MCC: variants seen among roughly 807,000 people sequenced by gnomAD.
MCC encodes MCC regulator of Wnt signaling pathway, also known as colorectal mutant cancer protein.
A neutral mutation model predicts 116.2 loss-of-function variants in MCC; 90 were observed. The observed-to-expected ratio is 0.77, with a 90% CI of 0.65 to 0.92. MCC has a LOEUF of 0.92. Ranked by LOEUF, MCC falls within the 40% of genes least tolerant of loss-of-function variation. The pLI, the probability that MCC is intolerant of heterozygous loss-of-function variation, is 0.00. For missense variants in MCC, 1,516 were observed against 1,312.2 expected, an observed-to-expected ratio of 1.16 and a Z score of -2.40; for synonymous variants, 578 against 510.5, an observed-to-expected ratio of 1.13 and a Z score of -1.78.
Position 113,027,445 on chromosome 5 carries a change from G to A in MCC, c.2917C>T (p.His973Tyr). ...VAAYEKAKKKHQNKLKKLESQ... is the reference protein window; with the variant it reads ...VAAYEKAKKKYQNKLKKLESQ... ...TCTAACTTCTTCAGTTTGTTTTGAT[G>A]CTTTTTCTTTGCTTTCTCATAGGCA... Residue 973 changes from histidine (H) to tyrosine (Y), a missense_variant, in exon 19 of 19, where the codon CAT (histidine) becomes TAT (tyrosine). Transcript: ENST00000408903. 1 of 1,614,164 alleles carries A rather than the reference G, an allele frequency of 6.2e-7. No homozygotes were observed. Among genetic ancestry groups the A allele is most frequent in the African/African-American group, 1.3e-5 (1 of 75,034 alleles).
rs116563795 is a variant in MCC at position 113,252,263 on chromosome 5, C to G, written c.627+88256G>C. On this transcript the variant is annotated intron_variant, in intron 3 of 18. Coordinates refer to ENST00000408903, the MANE Select transcript of MCC (RefSeq NM_001085377.2). ...AGCCCCCGGGCCCACAGATCTGGTA[C>G]GAGGCCGCAAAGCAGGAGGTGAGTG... Among the ~76,000 whole-genome samples the G allele has an allele frequency of 2.6e-5, 4 of 152,270 alleles. No individual in the cohort carries two copies. The East Asian group carries it at 5.8e-4, about 22-fold the overall frequency.
chr5:113,058,390 C>T (rs571484914), intron 14 of MCC, among the ~76,000 whole-genome samples: 2 of 152,168 alleles, frequency 1.3e-5, no homozygotes, highest in Admixed American at 6.5e-5. Context: ...TAGAAATGCA[C>T]ATTCCGGGGC....
intron 14 of MCC, among the ~76,000 whole-genome samples, chr5:113,057,130 A>G (rs1468707660): frequency 1.3e-5 from 2 of 152,200 alleles, no homozygotes; most frequent in Non-Finnish European, 2.9e-5. Context: ...ATGGTGACTG[A>G]AGCAGTCAGG....
In MCC at chr5:113,038,680, C is replaced by T. The variant is rs536711307; in HGVS notation, c.2756+4850G>A. Among the ~76,000 whole-genome samples the T allele has an allele frequency of 2.6e-5, 4 of 152,106 alleles. 1 individual carries two copies. The highest frequency in any genetic ancestry group is 4.4e-5 in the Non-Finnish European group (3 of 67,992). On this transcript the variant is annotated intron_variant, in intron 17 of 18. Transcript: ENST00000408903. Reference sequence around the variant, plus strand: ...GCGCAGAAGAGGAAGAGCAGTCTCACGGCAGGTGTGATCGATCACACTGAC... The same window carrying T: ...GCGCAGAAGAGGAAGAGCAGTCTCATGGCAGGTGTGATCGATCACACTGAC...
intron 3 of MCC, among the ~76,000 whole-genome samples, 154 bp from the exon 4 acceptor site, chr5:113,151,576 C>T (rs1334700675): frequency 6.6e-6 from 1 of 152,176 alleles, no homozygotes; most frequent in Non-Finnish European, 1.5e-5. Context: ...TTGGGGACAA[C>T]AGGCATAAGT....
intron 3 of MCC, among the ~76,000 whole-genome samples, chr5:113,338,569 C>T (rs1216454600): frequency 6.6e-6 from 1 of 152,222 alleles, no homozygotes; most frequent in Non-Finnish European, 1.5e-5. Context: ...ACCTGGAACC[C>T]TCCAGAGAAG....
intron 8 of MCC, among the ~76,000 whole-genome samples, chr5:113,087,642 C>T (rs557045142): frequency 6.6e-6 from 1 of 152,284 alleles, no homozygotes; most frequent in South Asian, 2.1e-4. Flanking sequence ...TCAGTTTTTA[C>T]TGCTGATGAG....
intron 3 of MCC, among the ~76,000 whole-genome samples, chr5:113,168,761 G>A (rs55917784): frequency 6.6e-6 from 1 of 151,778 alleles, no homozygotes; most frequent in Non-Finnish European, 1.5e-5. Context: ...GGGAAAACAG[G>A]GGCAACAGAT....
chr5:113,118,990 C>A (rs6898690), intron 6 of MCC, among the ~76,000 whole-genome samples: 11 of 152,332 alleles, frequency 7.2e-5, no homozygotes, highest in African/African-American at 2.6e-4. Flanking sequence ...TTCTTCCATG[C>A]TCCTCCCCGA....
intron 3 of MCC, among the ~76,000 whole-genome samples, chr5:113,338,568 C>T (rs1767925980): frequency 6.6e-6 from 1 of 152,206 alleles, no homozygotes; most frequent in Non-Finnish European, 1.5e-5. Context: ...AACCTGGAAC[C>T]CTCCAGAGAA....
chr5:113,485,047 C>G (rs533323547), intron 1 of MCC, among the ~76,000 whole-genome samples: 1 of 152,098 alleles, frequency 6.6e-6, no homozygotes, highest in African/African-American at 2.4e-5. Flanking sequence ...TTCTGGGTCC[C>G]TTTTATAGGC....
chr5:113,461,265 A>G (rs1465194438), intron 1 of MCC, among the ~76,000 whole-genome samples: 2 of 152,194 alleles, frequency 1.3e-5, no homozygotes, highest in Non-Finnish European at 2.9e-5. Context: ...TGACTTAAAA[A>G]AACAAACAAT....
chr5:113,232,739 T>A (rs907585170), intron 3 of MCC, among the ~76,000 whole-genome samples: 1 of 152,170 alleles, frequency 6.6e-6, no homozygotes, highest in African/African-American at 2.4e-5. Flanking sequence ...AATATTTATA[T>A]GAGGCAGAAC....
At chr5:113,376,973 C>A (rs1302505632) in intron 2 of MCC, among the ~76,000 whole-genome samples, 2 of 152,128 alleles carry the variant, frequency 1.3e-5, no homozygotes, top group African/African-American at 2.4e-5. Context: ...AGAGAAGAAT[C>A]CCTCTTTTCT....
chr5:113,142,414 T>C lies in MCC; in HGVS notation c.884+804A>G, dbSNP rs867872414. 4.6e-5 allele frequency among the ~76,000 whole-genome samples: 7 copies of C among 151,940 alleles called. No homozygotes were observed. In the Middle Eastern group the frequency reaches 0.014, roughly 295 times the overall value. ...AGTGTCATTTAAAGCAAACCTCTCCTCTGAGGAACAGGGCAGATACAACCA... is the reference window on the plus strand; with the variant it reads ...AGTGTCATTTAAAGCAAACCTCTCCCCTGAGGAACAGGGCAGATACAACCA... On this transcript the variant is annotated intron_variant, in intron 5 of 18. Coordinates refer to ENST00000408903, the MANE Select transcript of MCC (RefSeq NM_001085377.2).
At chr5:113,175,775 T>C (rs193035811) in intron 3 of MCC, among the ~76,000 whole-genome samples, 359 of 152,232 alleles carry the variant, frequency 2.4e-3, no homozygotes, top group African/African-American at 8.1e-3. Flanking sequence ...GGAAGAGATA[T>C]AGTCATCCCC....
intron 2 of MCC, among the ~76,000 whole-genome samples, chr5:113,354,699 G>T (rs1044621806): frequency 6.6e-6 from 1 of 151,622 alleles, no homozygotes; most frequent in African/African-American, 2.4e-5. Flanking sequence ...CCTCCCAAAT[G>T]CTGGGATTAC....
At chr5:113,129,029 C>T (rs2150275356) in intron 5 of MCC, among the ~76,000 whole-genome samples, 1 of 152,282 alleles carries the variant, frequency 6.6e-6, no homozygotes, top group South Asian at 2.1e-4. Flanking sequence ...GATTATATTA[C>T]AGTAGATAGA....
At chr5:113,065,032 G>A (rs1753494035) in intron 13 of MCC, among the ~76,000 whole-genome samples, 1 of 152,174 alleles carries the variant, frequency 6.6e-6, no homozygotes, top group Non-Finnish European at 1.5e-5. Context: ...TGGTTGCCAG[G>A]GGATGGGGTT....
Sources: gnomAD v4.1 joint callset for allele counts (sites outside exome capture counted in the v4.1 genomes callset) on GRCh38, gnomAD v4.1.1 for gene constraint, MANE v1.5 for transcripts, NCBI Gene and HGNC (gene_info 2026-07-23, HGNC 2026-07-21) for gene names.